Variants in ZNF618 observed in about 807,000 individuals in gnomAD.
The protein encoded by ZNF618 is zinc finger protein 618.
A neutral mutation model predicts 103.0 loss-of-function variants in ZNF618; 34 were observed. The observed-to-expected ratio is 0.33, with a 90% CI of 0.25 to 0.44. The LOEUF (loss-of-function observed/expected upper bound fraction) is 0.44. Among genes scored for constraint, ZNF618 ranks in the 20% least tolerant of loss-of-function variants. The pLI, the probability that ZNF618 is intolerant of heterozygous loss-of-function variation, is 1.00. For synonymous variants in ZNF618, 551 were observed against 542.2 expected, an observed-to-expected ratio of 1.02 and a Z score of -0.23; for missense variants, 1,059 against 1,295.4, an observed-to-expected ratio of 0.82 and a Z score of 2.80.
At chr9:113,912,757 T>C (rs1045569214) in intron 1 of ZNF618, among the ~76,000 whole-genome samples, 16 of 152,118 alleles carry the variant, frequency 1.1e-4, no homozygotes, top group African/African-American at 3.9e-4. Flanking sequence ...AGAGGCCCTG[T>C]CTGGTGCTGC....
At chr9:114,000,470 T>C (rs1026242610) in intron 4 of ZNF618, among the ~76,000 whole-genome samples, 1 of 146,340 alleles carries the variant, frequency 6.8e-6, no homozygotes, top group Non-Finnish European at 1.5e-5. Context: ...TCTTAAAACA[T>C]TGTAAGTCTT....
At chr9:113,905,104 C>T (rs911196019) in intron 1 of ZNF618, among the ~76,000 whole-genome samples, 3 of 152,050 alleles carry the variant, frequency 2.0e-5, no homozygotes, top group African/African-American at 7.2e-5. Context: ...CTGCCTCGCT[C>T]TGTCACCCAG....
intron 13 of ZNF618, among the ~76,000 whole-genome samples, chr9:114,042,236 T>C (rs1013758264): frequency 1.3e-5 from 2 of 152,230 alleles, no homozygotes; most frequent in African/African-American, 4.8e-5. Context: ...GTTACCAACT[T>C]AATAGGTTTC....
intron 1 of ZNF618, among the ~76,000 whole-genome samples, chr9:113,899,698 A>G (rs1830347229): frequency 6.6e-6 from 1 of 152,148 alleles, no homozygotes; most frequent in East Asian, 1.9e-4. Flanking sequence ...AGATGACTCT[A>G]GGTACCTCAT....
At chr9:113,963,362 T>C (rs1004181427) in intron 1 of ZNF618, among the ~76,000 whole-genome samples, 19 of 152,330 alleles carry the variant, frequency 1.2e-4, no homozygotes, top group African/African-American at 4.6e-4. Context: ...TATGGTGTCG[T>C]ATGTATTTGG....
intron 4 of ZNF618, among the ~76,000 whole-genome samples, chr9:114,001,786 T>A (rs1439866767): frequency 1.3e-5 from 2 of 151,860 alleles, no homozygotes; most frequent in Non-Finnish European, 2.9e-5. Flanking sequence ...GATGGGGGGG[T>A]GCCTTGCCCA....
intron 1 of ZNF618, among the ~76,000 whole-genome samples, chr9:113,940,890 A>G (rs1296443144): frequency 6.6e-6 from 1 of 152,112 alleles, no homozygotes; most frequent in Non-Finnish European, 1.5e-5. Flanking sequence ...TAACAGGAGA[A>G]TTTATATATC....
At chr9:114,033,220 G>A (rs957988229) in intron 12 of ZNF618, among the ~76,000 whole-genome samples, 3 of 152,166 alleles carry the variant, frequency 2.0e-5, no homozygotes, top group African/African-American at 7.2e-5. Flanking sequence ...GACCAACCTG[G>A]CCAACATGGT....
Position 113,879,380 on chromosome 9 carries a change from G to GTT in ZNF618, c.33+2980_33+2981dup, listed in dbSNP as rs1333621442. ...AAATCATTTCTGGTTTTGTAGAACT[G>GTT]TTTTTTTTTTTTTTCTGTTTTTTTT... On this transcript the variant is annotated intron_variant, in intron 1 of 14. Transcript: ENST00000374126. Among the ~76,000 whole-genome samples, 342 of 92,990 alleles carry GTT rather than the reference G, an allele frequency of 3.7e-3. 1 individual carries two copies. Among genetic ancestry groups the GTT allele is most frequent in the African/African-American group, 0.012 (310 of 26,264 alleles). The allele number at this position is 92,990 out of a possible 152,430, so 61.0% of individuals were successfully genotyped here.
At chr9:114,015,525 T>G (rs977316696) in intron 9 of ZNF618, among the ~76,000 whole-genome samples, 2 of 152,210 alleles carry the variant, frequency 1.3e-5, no homozygotes, top group Middle Eastern at 3.2e-3. Flanking sequence ...CATACCTTTC[T>G]GGTTGGGATG....
intron 9 of ZNF618, among the ~76,000 whole-genome samples, chr9:114,009,647 G>A (rs530748198): frequency 6.6e-6 from 1 of 152,130 alleles, no homozygotes; most frequent in East Asian, 1.9e-4. Flanking sequence ...GACCTTTATG[G>A]TCTCTGCTTC....
At chr9:114,044,134 A>G (rs559163848) in intron 13 of ZNF618, among the ~76,000 whole-genome samples, 117 of 152,158 alleles carry the variant, frequency 7.7e-4, no homozygotes, top group African/African-American at 2.7e-3. Context: ...TAATGTCTAG[A>G]AGTGTTTTTC....
chr9:113,928,093 G>T (rs980035476), intron 1 of ZNF618, among the ~76,000 whole-genome samples: 2 of 152,160 alleles, frequency 1.3e-5, no homozygotes, highest in Admixed American at 6.5e-5. Context: ...CCAGAAGTTT[G>T]TATCATCTCT....
chr9:114,006,248 A>T (rs1238160944), intron 6 of ZNF618, among the ~76,000 whole-genome samples: 1 of 152,204 alleles, frequency 6.6e-6, no homozygotes, highest in African/African-American at 2.4e-5. Context: ...ACCCCAACCC[A>T]GTACTGATTT....
chr9:113,951,910 A>T (rs889168371), intron 1 of ZNF618, among the ~76,000 whole-genome samples: 1 of 151,928 alleles, frequency 6.6e-6, no homozygotes, highest in South Asian at 2.1e-4. Context: ...CCTGGGGTGG[A>T]GACTTGGTCA....
intron 1 of ZNF618, among the ~76,000 whole-genome samples, chr9:113,882,862 C>T (rs1311543987): frequency 6.6e-6 from 1 of 152,174 alleles, no homozygotes; most frequent in East Asian, 1.9e-4. Flanking sequence ...AGATCAGCTG[C>T]ACTTCTTCTT....
intron 2 of ZNF618, among the ~76,000 whole-genome samples, chr9:113,985,562 A>G (rs1319703838): frequency 2.6e-5 from 4 of 152,198 alleles, no homozygotes; most frequent in Non-Finnish European, 4.4e-5. Flanking sequence ...ATTATCCCCC[A>G]CAAAGGTGGC....
Position 114,050,433 on chromosome 9 carries a change from T to TGCACAC in ZNF618, c.*267_*272dup, listed in dbSNP as rs1491357889. On this transcript the variant is annotated 3_prime_UTR_variant, in exon 15 of 15. Transcript: ENST00000374126. ...CTCATCTCCATGGCCAGAGAAACTTTGCACACACGCACACACACACACACA... is the reference window on the plus strand; with the variant it reads ...CTCATCTCCATGGCCAGAGAAACTTTGCACACGCACACACGCACACACACACACACA... The TGCACAC allele has an allele frequency of 1.1e-5, 4 of 351,656 alleles. No individual in the cohort carries two copies. The highest frequency in any genetic ancestry group is 1.1e-4 in the African/African-American group (4 of 37,202). The allele number at this position is 351,656 out of a possible 1,614,324, so 21.8% of individuals were successfully genotyped here.
chr9:113,903,200 GA>G (rs1388330575), intron 1 of ZNF618, among the ~76,000 whole-genome samples: 1 of 152,148 alleles, frequency 6.6e-6, no homozygotes, highest in African/African-American at 2.4e-5. Flanking sequence ...ATGCATGAGC[GA>G]ATACATGTTC....
Sources: allele counts gnomAD v4.1 joint callset (sites outside exome capture counted in the v4.1 genomes callset), GRCh38; gene constraint gnomAD v4.1.1; transcripts MANE v1.5; gene names NCBI Gene and HGNC (gene_info 2026-07-23, HGNC 2026-07-21).